Variants in BICC1 observed in about 807,000 individuals in gnomAD.
The protein encoded by BICC1 is BicC family RNA binding protein 1.
BICC1 carries 43 observed loss-of-function variants against 111.0 expected under a neutral mutation model. The ratio of observed to expected loss-of-function variants is 0.39; its 90% CI spans 0.30 to 0.50. The LOEUF (loss-of-function observed/expected upper bound fraction) is 0.50, where lower values mean the gene tolerates loss of function less well. BICC1 is among the 20% of genes least tolerant of loss of function. The pLI is 0.88. For synonymous variants in BICC1, 467 were observed against 434.4 expected (o/e 1.07, Z -0.93); for missense variants, 1,091 against 1,203.2 (o/e 0.91, Z 1.38).
chr10:58,542,169 A>ACC (rs1554803891), intron 1 of BICC1, among the ~76,000 whole-genome samples: 14 of 121,434 alleles, frequency 1.2e-4, no homozygotes, highest in African/African-American at 4.6e-4. Context: ...AAAAAAAACA[A>ACC]AAAAAAAAAC....
intron 2 of BICC1, among the ~76,000 whole-genome samples, chr10:58,641,734 T>C (rs1455058952): frequency 6.6e-6 from 1 of 152,336 alleles, no homozygotes; most frequent in Non-Finnish European, 1.5e-5. Context: ...GTTATATAGA[T>C]AAAACCTCTT....
intron 3 of BICC1, among the ~76,000 whole-genome samples, chr10:58,770,832 A>G (rs1236043395): frequency 1.3e-5 from 2 of 152,198 alleles, no homozygotes; most frequent in Non-Finnish European, 2.9e-5. Flanking sequence ...GATTTGACAG[A>G]GGGATTCGGA....
At chr10:58,571,475 A>AT (rs373621472) in intron 1 of BICC1, among the ~76,000 whole-genome samples, 292 of 150,610 alleles carry the variant, frequency 1.9e-3, no homozygotes, top group African/African-American at 6.7e-3. Context: ...ATTCTTCTTG[A>AT]TTTTCTCCCT....
At chr10:58,754,577 G>A (rs1385248974) in intron 3 of BICC1, among the ~76,000 whole-genome samples, 1 of 152,188 alleles carries the variant, frequency 6.6e-6, no homozygotes, top group Non-Finnish European at 1.5e-5. Flanking sequence ...GCTTGCCAAA[G>A]GTTGGCAACC....
intron 3 of BICC1, among the ~76,000 whole-genome samples, chr10:58,759,782 A>AC (rs1268553525): frequency 6.6e-6 from 1 of 151,784 alleles, no homozygotes; most frequent in Non-Finnish European, 1.5e-5. Flanking sequence ...ACACGGTGAA[A>AC]CCCCGTCTCT....
At chr10:58,707,024 A>G (rs1840405475) in intron 3 of BICC1, among the ~76,000 whole-genome samples, 1 of 152,210 alleles carries the variant, frequency 6.6e-6, no homozygotes, top group Non-Finnish European at 1.5e-5. Flanking sequence ...ATGATGACTT[A>G]GGAAACCCCA....
At chr10:58,623,311 A>G (rs184525755) in intron 2 of BICC1, among the ~76,000 whole-genome samples, 1 of 152,328 alleles carries the variant, frequency 6.6e-6, no homozygotes, top group East Asian at 1.9e-4. Context: ...AGTTTAACAG[A>G]TAATAAGATT....
intron 2 of BICC1, among the ~76,000 whole-genome samples, chr10:58,666,326 A>T (rs754835964): frequency 2.0e-5 from 3 of 152,182 alleles, no homozygotes; most frequent in Non-Finnish European, 4.4e-5. Context: ...ACACTCAGCT[A>T]TTGTTTCAGG....
At chr10:58,674,189 A>G (rs1839269155) in intron 2 of BICC1, among the ~76,000 whole-genome samples, 1 of 152,228 alleles carries the variant, frequency 6.6e-6, no homozygotes, top group African/African-American at 2.4e-5. Context: ...GGTGTTTGCA[A>G]GCTTAGGCAG....
intron 1 of BICC1, among the ~76,000 whole-genome samples, chr10:58,589,117 AG>A (rs950700056): frequency 1.3e-5 from 2 of 152,182 alleles, no homozygotes; most frequent in Admixed American, 6.5e-5. Context: ...CCATCTCTGC[AG>A]TCTCCGAGAG....
chr10:58,544,497 A>G (rs7893512), intron 1 of BICC1, among the ~76,000 whole-genome samples: 4,558 of 152,184 alleles, frequency 0.03, 192 homozygotes, highest in African/African-American at 0.091. Context: ...TTGAGTGTTT[A>G]TTTCAGACTT....
intron 3 of BICC1, among the ~76,000 whole-genome samples, chr10:58,769,372 A>ATGTGTG (rs779396611): frequency 3.5e-5 from 3 of 86,206 alleles, no homozygotes; most frequent in African/African-American, 1.0e-4. Context: ...TAGTTTTATA[A>ATGTGTG]TGTATGTGTG....
intron 3 of BICC1, among the ~76,000 whole-genome samples, chr10:58,720,326 G>A (rs992028207): frequency 6.6e-6 from 1 of 152,188 alleles, no homozygotes; most frequent in Non-Finnish European, 1.5e-5. Context: ...TCTTTGATTA[G>A]TGGGCACTAG....
intron 15 of BICC1, among the ~76,000 whole-genome samples, chr10:58,804,221 A>C (rs1277247853): frequency 6.6e-6 from 1 of 152,138 alleles, no homozygotes; most frequent in Non-Finnish European, 1.5e-5. Context: ...CAGTGTTTAA[A>C]AAAGACATTT....
At chr10:58,809,296 A>T (rs116933562) in intron 17 of BICC1, among the ~76,000 whole-genome samples, 1,813 of 152,030 alleles carry the variant, frequency 0.012, 73 homozygotes, top group Admixed American at 0.07. Context: ...TCGGTGTCCC[A>T]GTGTTGGGAT....
chr10:58,741,014 A>G (rs928063057), intron 3 of BICC1, among the ~76,000 whole-genome samples: 2 of 152,216 alleles, frequency 1.3e-5, no homozygotes, highest in African/African-American at 4.8e-5. Context: ...AGTGGTTTCA[A>G]ATGGTGAGGA....
chr10:58,553,470 G>A (rs1042408323), intron 1 of BICC1, among the ~76,000 whole-genome samples: 1 of 152,172 alleles, frequency 6.6e-6, no homozygotes, highest in Non-Finnish European at 1.5e-5. Context: ...AGAGTTTCCA[G>A]TAGGATTGCA....
At chr10:58,786,868 G>GACT in intron 4 of BICC1, 55 bp from the exon 5 acceptor site, 6 of 1,336,002 alleles carry the variant, frequency 4.5e-6, no homozygotes, top group Non-Finnish European at 6.0e-6. Flanking sequence ...AGACATTTAG[G>GACT]AGGTCATTCT....
intron 1 of BICC1, among the ~76,000 whole-genome samples, chr10:58,565,082 G>C (rs1281947102): frequency 1.4e-3 from 3 of 2,082 alleles, no homozygotes; most frequent in Non-Finnish European, 0.016. Context: ...TTCATCTCCT[G>C]GGTATCGTGA....
Sources: allele counts gnomAD v4.1 joint callset (sites outside exome capture counted in the v4.1 genomes callset), GRCh38; gene constraint gnomAD v4.1.1; transcripts MANE v1.5; gene names NCBI Gene and HGNC (gene_info 2026-07-23, HGNC 2026-07-21).